Variants in SNRPC observed in about 807,000 individuals in gnomAD.
SNRPC encodes U1 small nuclear ribonucleoprotein C.
Under a neutral mutation model 20.0 loss-of-function variants are expected in SNRPC, and 5 were observed. The observed-to-expected ratio is 0.25, with a 90% CI of 0.13 to 0.53. The LOEUF is 0.53. SNRPC is among the 20% of genes least tolerant of loss of function. SNRPC has a pLI of 0.96. For missense variants in SNRPC, 112 were observed against 224.1 expected (o/e 0.50, Z 3.19); for synonymous variants, 61 against 58.7 (o/e 1.04, Z -0.18).
At chr6:34,768,383 T>G (rs541782436) in intron 4 of SNRPC, among the ~76,000 whole-genome samples, 7 of 152,276 alleles carry the variant, frequency 4.6e-5, no homozygotes, top group African/African-American at 1.7e-4. Context: ...ACTGGAGGAT[T>G]AAAATAGCTG....
At chr6:34,772,083 T>A (rs1764699052) in intron 5 of SNRPC, among the ~76,000 whole-genome samples, 1 of 152,176 alleles carries the variant, frequency 6.6e-6, no homozygotes, top group African/African-American at 2.4e-5. Flanking sequence ...GGATTTGTGT[T>A]AAAATAATTG....
At chr6:34,761,472 C>T (rs535224101) in intron 2 of SNRPC, among the ~76,000 whole-genome samples, 25 of 145,880 alleles carry the variant, frequency 1.7e-4, no homozygotes, top group African/African-American at 5.8e-4. Flanking sequence ...CTTAAGGCAT[C>T]ATTGTATTAA....
At chr6:34,768,115 A>C in intron 4 of SNRPC, 118 bp downstream of exon 4, 1 of 672,286 alleles carries the variant, frequency 1.5e-6, no homozygotes, top group Non-Finnish European at 2.3e-6. Context: ...ATAGTAATAT[A>C]AATGTATAAA....
chr6:34,769,177 A>G (rs9968782), intron 4 of SNRPC, among the ~76,000 whole-genome samples: 19,964 of 151,426 alleles, frequency 0.13, 1,494 homozygotes, highest in African/African-American at 0.2. Context: ...TTGATAGCGG[A>G]ATAGTCTATG....
rs548970637 is a variant in SNRPC at position 34,759,069 on chromosome 6, A to C, written c.51+1115A>C. Among the ~76,000 whole-genome samples the C allele has an allele frequency of 5.5e-4, 83 of 152,082 alleles. 1 individual carries two copies. Among genetic ancestry groups the C allele is most frequent in the African/African-American group, 1.9e-3 (78 of 41,480 alleles). ...AAGAAAAGAAAACCCACGTTAATTA[A>C]TGTCACAATCTAATCAGAACCACCT... On this transcript the variant is annotated intron_variant, in intron 2 of 5. Coordinates refer to ENST00000244520, the MANE Select transcript of SNRPC (RefSeq NM_003093.3).
At position 34,773,717 on chromosome 6, in the gene SNRPC, G is replaced by A; in HGVS notation, c.*147G>A. The A allele has an allele frequency of 1.7e-6, 1 of 571,556 alleles. No individual in the cohort carries two copies. Among genetic ancestry groups the A allele is most frequent in the Admixed American group, 3.1e-5 (1 of 31,834 alleles). 35.4% of individuals were successfully genotyped at this position (571,556 alleles called of 1,614,324 possible). ...TGAAAGAGAATAGTTTTGGAGGGGAGAAGTGGGACAAAAAAGATGCAGTTT... is the reference window on the plus strand; with the variant it reads ...TGAAAGAGAATAGTTTTGGAGGGGAAAAGTGGGACAAAAAAGATGCAGTTT... On this transcript the variant is annotated 3_prime_UTR_variant, in exon 6 of 6. Coordinates refer to ENST00000244520, the MANE Select transcript of SNRPC (RefSeq NM_003093.3). The surrounding 1 kb of genome is among the most constrained non-coding windows in gnomAD (Gnocchi z 4.1).
chr6:34,770,191 C>T lies in SNRPC; in HGVS notation c.251-100C>T, dbSNP rs746934453. ...GAGCCGAGATTGTGCCATTGCACTC[C>T]GGCCTGGGCAACAAGAACGAAACTC... On this transcript the variant is annotated intron_variant, in intron 4 of 5. Transcript: ENST00000244520. The T allele has an allele frequency of 5.6e-4, 497 of 880,712 alleles. 1 individual carries two copies. Among genetic ancestry groups the T allele is most frequent in the Non-Finnish European group, 7.6e-4 (399 of 524,474 alleles). 54.6% of individuals were successfully genotyped at this position (880,712 alleles called of 1,614,324 possible).
At position 34,771,962 on chromosome 6, in the gene SNRPC, A is replaced by C. The variant is rs1581594190; in HGVS notation, c.356-1484A>C. On this transcript the variant is annotated intron_variant, in intron 5 of 5. Transcript: ENST00000244520. ...CATCTAAAGAAGTCTTCTAGAACTCAGCTTCAGCCTATGGTTGACATTTGA... is the reference window on the plus strand; with the variant it reads ...CATCTAAAGAAGTCTTCTAGAACTCCGCTTCAGCCTATGGTTGACATTTGA... Among the ~76,000 whole-genome samples, 3 of 152,222 alleles carry C rather than the reference A, an allele frequency of 2.0e-5. No homozygotes were observed. In the South Asian group the frequency reaches 6.2e-4, roughly 31 times the overall value.
At chr6:34,759,618 A>G (rs1764506957) in intron 2 of SNRPC, among the ~76,000 whole-genome samples, 1 of 152,240 alleles carries the variant, frequency 6.6e-6, no homozygotes, top group Admixed American at 6.5e-5. Context: ...CCATGAGTAC[A>G]TACGTTGAAG....
chr6:34,764,507 A>C (rs1294268443), intron 3 of SNRPC, among the ~76,000 whole-genome samples: 3 of 149,932 alleles, frequency 2.0e-5, no homozygotes, highest in African/African-American at 7.4e-5. Flanking sequence ...AACAAAAAAC[A>C]AAAAATTCAG....
intron 5 of SNRPC, among the ~76,000 whole-genome samples, chr6:34,770,801 T>A (rs1764675680): frequency 6.6e-6 from 1 of 152,136 alleles, no homozygotes; most frequent in African/African-American, 2.4e-5. Flanking sequence ...AGGGGGAAGG[T>A]TATAGATACA....
Position 34,767,891 on chromosome 6 carries a change from T to TTC in SNRPC, c.161-16_161-15dup. On this transcript the variant is annotated splice_polypyrimidine_tract_variant and intron_variant, in intron 3 of 5. Transcript: ENST00000244520. ...CTTATTCATCTTTTTTTTTTTTTTT[T>TTC]TCCTCACCCTCCAAAGCGGCTGCAT... 6.7e-7 allele frequency: 1 copy of TTC among 1,489,608 alleles called. No homozygotes were observed. Among genetic ancestry groups the TTC allele is most frequent in the Non-Finnish European group, 8.8e-7 (1 of 1,138,054 alleles). The allele number at this position is 1,489,608 out of a possible 1,614,324, so 92.3% of individuals were successfully genotyped here.
intron 3 of SNRPC, among the ~76,000 whole-genome samples, chr6:34,764,920 C>T (rs1237588838): frequency 6.6e-6 from 1 of 152,018 alleles, no homozygotes; most frequent in Non-Finnish European, 1.5e-5. Flanking sequence ...ACTTGGGAGG[C>T]TGAGGCAGGA....
chr6:34,767,827 T>TA (rs1468936543), intron 3 of SNRPC, 81 bp from the exon 4 acceptor site: 1 of 1,405,048 alleles, frequency 7.1e-7, no homozygotes, highest in African/African-American at 1.5e-5. Context: ...GTTGAAGACT[T>TA]AAAGAAAGTG....
intron 3 of SNRPC, 58 bp from the exon 4 acceptor site, chr6:34,767,850 A>C: frequency 6.7e-7 from 1 of 1,503,190 alleles, no homozygotes; most frequent in Non-Finnish European, 8.9e-7. Flanking sequence ...TATTTTAGTT[A>C]CTGGATTGTT....
At chr6:34,761,057 CAA>C (rs202046084) in intron 2 of SNRPC, among the ~76,000 whole-genome samples, 1 of 133,272 alleles carries the variant, frequency 7.5e-6, no homozygotes, top group African/African-American at 2.8e-5. Flanking sequence ...CAAAAAAAAC[CAA>C]AAAAAAAAAC....
At chr6:34,766,495 G>C (rs1339683708) in intron 3 of SNRPC, among the ~76,000 whole-genome samples, 1 of 152,166 alleles carries the variant, frequency 6.6e-6, no homozygotes, top group African/African-American at 2.4e-5. Flanking sequence ...CACTGCACTC[G>C]GCTTGAATAC....
chr6:34,760,111 C>CTTTTTTTTTTTTTTTT (rs201265600), intron 2 of SNRPC, among the ~76,000 whole-genome samples: 1 of 123,410 alleles, frequency 8.1e-6, no homozygotes. Context: ...TGTATATTAT[C>CTTTTTTTTTTTTTTTT]TTTTTTTTTT....
chr6:34,764,392 C>T (rs775364997), intron 3 of SNRPC, among the ~76,000 whole-genome samples: 1 of 151,912 alleles, frequency 6.6e-6, no homozygotes, highest in Non-Finnish European at 1.5e-5. Context: ...AGGAGAATTG[C>T]TTGAACCTGG....
Sources: allele counts gnomAD v4.1 joint callset (sites outside exome capture counted in the v4.1 genomes callset), GRCh38; gene constraint gnomAD v4.1.1; non-coding constraint Gnocchi (gnomAD v3.1); transcripts MANE v1.5; gene names NCBI Gene and HGNC (gene_info 2026-07-23, HGNC 2026-07-21).